Variants in NELL1 observed in about 807,000 individuals in gnomAD.
NELL1 encodes neural EGFL like 1.
In NELL1, 76 loss-of-function variants were observed where a neutral mutation model predicts 107.4. The observed-to-expected ratio is 0.71, with a 90% CI of 0.59 to 0.86. NELL1 has a LOEUF of 0.86. Among genes scored for constraint, NELL1 ranks in the 40% least tolerant of loss-of-function variants. NELL1 has a pLI of 0.00. For synonymous variants in NELL1, 353 were observed against 341.2 expected (o/e 1.03, Z -0.38); for missense variants, 1,024 against 1,005.5 (o/e 1.02, Z -0.25).
At chr11:21,557,304 G>A (rs1448679119) in intron 16 of NELL1, among the ~76,000 whole-genome samples, 3 of 152,072 alleles carry the variant, frequency 2.0e-5, no homozygotes, top group South Asian at 2.1e-4. Context: ...CTGGTTTTGC[G>A]CCCTGCTTTT....
At chr11:21,086,948 C>T (rs2133681567) in intron 12 of NELL1, among the ~76,000 whole-genome samples, 1 of 150,870 alleles carries the variant, frequency 6.6e-6, no homozygotes, top group South Asian at 2.1e-4. Flanking sequence ...AAGTGATTCT[C>T]CTGCCTCAGC....
intron 5 of NELL1, among the ~76,000 whole-genome samples, chr11:20,892,668 C>CT (rs1849640883): frequency 6.6e-6 from 1 of 152,210 alleles, no homozygotes; most frequent in African/African-American, 2.4e-5. Flanking sequence ...CGGTGGCTCA[C>CT]ACCTGTAATC....
intron 2 of NELL1, among the ~76,000 whole-genome samples, chr11:20,702,839 A>T (rs574421864): frequency 2.5e-4 from 38 of 152,270 alleles, no homozygotes; most frequent in African/African-American, 8.9e-4. Flanking sequence ...TGAAGCAGCC[A>T]TGCATCCCAG....
intron 14 of NELL1, among the ~76,000 whole-genome samples, chr11:21,331,497 C>T (rs1850272135): frequency 6.6e-6 from 1 of 152,076 alleles, no homozygotes; most frequent in African/African-American, 2.4e-5. Context: ...CTCACAGTCA[C>T]TCTGGGAGAC....
intron 14 of NELL1, among the ~76,000 whole-genome samples, chr11:21,313,792 A>C (rs374937395): frequency 2.6e-5 from 4 of 152,180 alleles, no homozygotes; most frequent in Non-Finnish European, 1.5e-5. Flanking sequence ...CCATTACTTC[A>C]TTAACCCTTG....
chr11:21,573,240 C>G lies in NELL1; in HGVS notation c.2213C>G (p.Thr738Arg). 6.2e-7 allele frequency: 1 copy of G among 1,612,372 alleles called. No homozygotes were observed. The highest frequency in any genetic ancestry group is 1.1e-5 in the South Asian group (1 of 91,058). ...LTCPNLSCEY[T>R]AILEGECCPR... ...TGCCCCAACTTGAGCTGTGAGTATA[C>G]AGCTATCTTAGAAGGGGAATGTTGT... Residue 738 changes from threonine (T) to arginine (R), a missense_variant, in exon 19 of 20, where the codon ACA (threonine) becomes AGA (arginine). Transcript: ENST00000357134.
At chr11:21,123,182 C>G (rs1855409452) in intron 13 of NELL1, among the ~76,000 whole-genome samples, 1 of 152,062 alleles carries the variant, frequency 6.6e-6, no homozygotes, top group African/African-American at 2.4e-5. Flanking sequence ...ATAGTTTGAC[C>G]TACCTATTCA....
intron 2 of NELL1, among the ~76,000 whole-genome samples, chr11:20,779,707 C>G (rs1046004748): frequency 6.6e-6 from 1 of 152,164 alleles, no homozygotes; most frequent in Admixed American, 6.5e-5. Context: ...ATTGTAGAAT[C>G]TAGGTTTCTT....
intron 2 of NELL1, among the ~76,000 whole-genome samples, chr11:20,752,935 G>C (rs1200896720): frequency 6.6e-6 from 1 of 152,118 alleles, no homozygotes; most frequent in East Asian, 1.9e-4. Context: ...AATGGGTGCT[G>C]TGCTTGAAAT....
At chr11:21,472,490 G>A (rs1417287613) in intron 15 of NELL1, among the ~76,000 whole-genome samples, 10 of 151,920 alleles carry the variant, frequency 6.6e-5, no homozygotes, top group Admixed American at 6.6e-4. Flanking sequence ...CAGGTTTGCA[G>A]TTAACTACTG....
At chr11:21,328,744 C>T (rs1403873663) in intron 14 of NELL1, among the ~76,000 whole-genome samples, 1 of 152,178 alleles carries the variant, frequency 6.6e-6, no homozygotes, top group African/African-American at 2.4e-5. Flanking sequence ...CCACCTCTTG[C>T]ATCAGCATGA....
intron 12 of NELL1, among the ~76,000 whole-genome samples, chr11:21,036,338 C>A (rs4628669): frequency 0.024 from 3,594 of 152,216 alleles, 140 homozygotes; most frequent in African/African-American, 0.081. Flanking sequence ...AGTGCTACTC[C>A]TATCAAACTA....
At chr11:21,565,300 T>C (rs115885843) in intron 17 of NELL1, among the ~76,000 whole-genome samples, 3,437 of 151,974 alleles carry the variant, frequency 0.023, 124 homozygotes, top group African/African-American at 0.079. Flanking sequence ...TCTCTTTCTA[T>C]TTCCCTGACT....
At chr11:20,791,127 T>TGATA (rs1441989751) in intron 3 of NELL1, among the ~76,000 whole-genome samples, 4 of 152,220 alleles carry the variant, frequency 2.6e-5, no homozygotes, top group Non-Finnish European at 5.9e-5. Flanking sequence ...GTTGAGATTT[T>TGATA]GATAGAGATT....
At chr11:20,884,440 A>G in intron 4 of NELL1, among the ~76,000 whole-genome samples, 1 of 152,306 alleles carries the variant, frequency 6.6e-6, no homozygotes, top group Non-Finnish European at 1.5e-5. Context: ...AGAAATGGAC[A>G]TAGTTCTCGT....
At chr11:21,508,927 A>T (rs1029993911) in intron 15 of NELL1, among the ~76,000 whole-genome samples, 1 of 152,164 alleles carries the variant, frequency 6.6e-6, no homozygotes, top group African/African-American at 2.4e-5. Context: ...ATTATTCAAC[A>T]TTAGCAGAAA....
intron 12 of NELL1, among the ~76,000 whole-genome samples, chr11:20,964,498 G>A (rs181043762): frequency 3.3e-5 from 5 of 152,200 alleles, no homozygotes; most frequent in Admixed American, 6.5e-5. Context: ...CTTTTTGAAC[G>A]TTACAATGAA....
rs138645771 is a variant in NELL1, at chr11:20,852,267, C to T, written c.506+4514C>T. Among the ~76,000 whole-genome samples the T allele has an allele frequency of 5.4e-4, 83 of 152,312 alleles. 1 individual carries two copies. In the East Asian group the frequency reaches 0.014, roughly 27 times the overall value. The stretch of plus-strand genomic sequence containing the variant: ...AGTGATTAGTCTAGACTAGACTAAA[C>T]ATACTTATCTTTTACTTTTAACACA... On this transcript the variant is annotated intron_variant, in intron 4 of 19. Coordinates refer to ENST00000357134, the MANE Select transcript of NELL1 (RefSeq NM_006157.5).
chr11:21,030,483 T>C (rs1200966176), intron 12 of NELL1, among the ~76,000 whole-genome samples: 1 of 152,164 alleles, frequency 6.6e-6, no homozygotes. Flanking sequence ...TGATTTTCAG[T>C]TACATATTGG....
Sources: gnomAD v4.1 joint callset for allele counts (sites outside exome capture counted in the v4.1 genomes callset) on GRCh38, gnomAD v4.1.1 for gene constraint, MANE v1.5 for transcripts, NCBI Gene and HGNC (gene_info 2026-07-23, HGNC 2026-07-21) for gene names.